The following MGRN1 variants were observed in gnomAD, a reference collection of about 807,000 sequenced individuals.
The protein encoded by MGRN1 is mahogunin ring finger 1, also known as E3 ubiquitin-protein ligase MGRN1.
Under a neutral mutation model 69.2 loss-of-function variants are expected in MGRN1, and 29 were observed. The observed-to-expected ratio is 0.42, with a 90% confidence interval of 0.31 to 0.57. The LOEUF (loss-of-function observed/expected upper bound fraction) is 0.57. Ranked by LOEUF, MGRN1 falls within the 20% of genes least tolerant of loss-of-function variation. The pLI, the probability that MGRN1 is intolerant of heterozygous loss-of-function variation, is 0.15. For synonymous variants in MGRN1, 470 were observed against 344.2 expected (o/e 1.37, Z -4.04); for missense variants, 998 against 796.2 (o/e 1.25, Z -3.05).
At chr16:4,635,300 C>G (rs1229418882) in intron 1 of MGRN1, among the ~76,000 whole-genome samples, 1 of 151,960 alleles carries the variant, frequency 6.6e-6, no homozygotes, top group Non-Finnish European at 1.5e-5. Context: ...ACCTGTAATC[C>G]CAGCTGCTCA....
chr16:4,629,781 C>T, intron 1 of MGRN1, among the ~76,000 whole-genome samples: 1 of 150,666 alleles, frequency 6.6e-6, no homozygotes. Context: ...TGTGGTGGTT[C>T]ATGCCTGTCA....
chr16:4,670,145 A>C (rs529036950), intron 8 of MGRN1, among the ~76,000 whole-genome samples: 3 of 152,008 alleles, frequency 2.0e-5, no homozygotes, highest in East Asian at 1.9e-4. Flanking sequence ...GCTCACTTCA[A>C]CCTCTGTCTC....
chr16:4,652,099 C>A, intron 3 of MGRN1, 48 bp downstream of exon 3: 1 of 1,571,748 alleles, frequency 6.4e-7, no homozygotes, highest in Non-Finnish European at 8.7e-7. Flanking sequence ...TGGGGCGCAG[C>A]CTGTGGTGGA....
chr16:4,654,796 G>A (rs1032175741), intron 4 of MGRN1, among the ~76,000 whole-genome samples: 2 of 152,198 alleles, frequency 1.3e-5, no homozygotes, highest in African/African-American at 2.4e-5. Context: ...CGACTTATGT[G>A]GGGAGGTTCT....
intron 4 of MGRN1, among the ~76,000 whole-genome samples, 169 bp downstream of exon 4, chr16:4,652,993 A>G (rs2078443410): frequency 6.6e-6 from 1 of 152,044 alleles, no homozygotes; most frequent in South Asian, 2.1e-4. Context: ...GGGACTCCCC[A>G]CTTTTCTGCG....
At chr16:4,629,873 T>G (rs1897907195) in intron 1 of MGRN1, among the ~76,000 whole-genome samples, 1 of 146,988 alleles carries the variant, frequency 6.8e-6, no homozygotes, top group Non-Finnish European at 1.5e-5. Flanking sequence ...AGGTGAAACC[T>G]CGTCTCTACT....
chr16:4,627,488 A>G (rs894960341), intron 1 of MGRN1, among the ~76,000 whole-genome samples: 1 of 152,268 alleles, frequency 6.6e-6, no homozygotes, highest in Non-Finnish European at 1.5e-5. Context: ...GTTAAATTAT[A>G]GAATTGTGCA....
intron 16 of MGRN1, 139 bp downstream of exon 16, chr16:4,684,071 C>G (rs1048348197): frequency 1.3e-6 from 1 of 773,268 alleles, no homozygotes; most frequent in Non-Finnish European, 2.1e-6. Flanking sequence ...CTCAGCCATG[C>G]CCCTGCTATT....
intron 1 of MGRN1, among the ~76,000 whole-genome samples, chr16:4,629,549 G>A (rs996089674): frequency 6.6e-6 from 1 of 151,884 alleles, no homozygotes; most frequent in African/African-American, 2.4e-5. Flanking sequence ...GACCATCCTG[G>A]CCAACATGGT....
intron 1 of MGRN1, among the ~76,000 whole-genome samples, chr16:4,642,485 T>C (rs1333290643): frequency 2.0e-5 from 3 of 150,492 alleles, no homozygotes; most frequent in African/African-American, 7.3e-5. Context: ...TGTGTGTGTG[T>C]GTGTGTGTGT....
intron 10 of MGRN1, among the ~76,000 whole-genome samples, chr16:4,674,480 G>A (rs890921919): frequency 3.3e-5 from 5 of 151,406 alleles, no homozygotes; most frequent in African/African-American, 1.2e-4. Flanking sequence ...GTGGAGATGG[G>A]GTTTCACCAT....
In MGRN1 at chr16:4,683,965, G is replaced by C. The variant is rs1387584434; in HGVS notation, c.1618+33G>C. On this transcript the variant is annotated intron_variant, in intron 16 of 16. Transcript: ENST00000262370. ...GCTGGGGGTCTGGGGGTGAGGGGCTGGGTGCCTGTCTTAGTCCCCAGGGAG... is the reference window on the plus strand; with the variant it reads ...GCTGGGGGTCTGGGGGTGAGGGGCTCGGTGCCTGTCTTAGTCCCCAGGGAG... The C allele has an allele frequency of 2.0e-6, 3 of 1,518,320 alleles. No individual in the cohort carries two copies. The East Asian group carries it at 7.3e-5, about 37-fold the overall frequency. 94.1% of individuals were successfully genotyped at this position (1,518,320 alleles called of 1,614,324 possible). A position where few individuals can be genotyped will look rare whatever the true frequency, so the allele number is the denominator to read the frequency against.
intron 11 of MGRN1, among the ~76,000 whole-genome samples, chr16:4,677,942 G>A (rs993585849): frequency 4.0e-5 from 6 of 149,250 alleles, no homozygotes; most frequent in African/African-American, 9.9e-5. Context: ...TCGACCTCCC[G>A]CCTCAAGCAA....
At chr16:4,660,960 C>G (rs955828350) in intron 5 of MGRN1, among the ~76,000 whole-genome samples, 1 of 152,168 alleles carries the variant, frequency 6.6e-6, no homozygotes, top group Non-Finnish European at 1.5e-5. Context: ...TGAACATGTG[C>G]CCCACGTCCC....
chr16:4,682,566 C>T (rs1232757017), intron 13 of MGRN1, among the ~76,000 whole-genome samples: 1 of 152,216 alleles, frequency 6.6e-6, no homozygotes, highest in Non-Finnish European at 1.5e-5. Context: ...TCTTCTCCTT[C>T]TAGAAAGAAA....
At chr16:4,633,510 G>A (rs1051256814) in intron 1 of MGRN1, 1 of 150,738 alleles carries the variant, frequency 6.6e-6, no homozygotes, top group African/African-American at 2.4e-5. Flanking sequence ...TGACCAAGAT[G>A]GAGAAGCCCC....
chr16:4,685,293 G>A (rs975568125), intron 16 of MGRN1, among the ~76,000 whole-genome samples: 18 of 152,250 alleles, frequency 1.2e-4, no homozygotes, highest in Admixed American at 9.8e-4. Context: ...GCCCTGTGGG[G>A]GAGCATCTCA....
At chr16:4,657,832 G>A (rs1401397184) in intron 5 of MGRN1, among the ~76,000 whole-genome samples, 1 of 132,462 alleles carries the variant, frequency 7.5e-6, no homozygotes, top group East Asian at 2.2e-4. Flanking sequence ...TACAACCTCT[G>A]CCTCCTGGGT....
chr16:4,650,092 C>T (rs1075443), intron 1 of MGRN1: 7,310 of 260,328 alleles, frequency 0.028, 558 homozygotes, highest in African/African-American at 0.15. Flanking sequence ...TACCTGAGGC[C>T]GGGCATTGGA....
Sources: allele counts gnomAD v4.1 joint callset (sites outside exome capture counted in the v4.1 genomes callset), GRCh38; gene constraint gnomAD v4.1.1; transcripts MANE v1.5; gene names NCBI Gene and HGNC (gene_info 2026-07-23, HGNC 2026-07-21).